The following ZNF516 variants were observed in gnomAD, a reference collection of about 807,000 sequenced individuals.
ZNF516 encodes zinc finger protein 516.
A neutral mutation model predicts 79.7 loss-of-function variants in ZNF516; 19 were observed. That is an observed-to-expected ratio of 0.24 (90% confidence interval 0.17 to 0.35). The LOEUF (loss-of-function observed/expected upper bound fraction) is 0.35, where lower values mean the gene tolerates loss of function less well. Ranked by LOEUF, ZNF516 falls within the 10% of genes least tolerant of loss-of-function variation. The probability of loss-of-function intolerance (pLI) is 1.00; values close to 1 mark genes in which losing one functional copy is unlikely to be tolerated. For synonymous variants in ZNF516, 877 were observed against 739.5 expected (o/e 1.19, Z -3.02); for missense variants, 1,678 against 1,679.5 (o/e 1.00, Z 0.02).
At chr18:76,434,631 T>A (rs2075706165) in intron 3 of ZNF516, among the ~76,000 whole-genome samples, 1 of 152,220 alleles carries the variant, frequency 6.6e-6, no homozygotes, top group Non-Finnish European at 1.5e-5. Flanking sequence ...CTGTGGGACA[T>A]CCCGGCCTGC....
chr18:76,399,661 C>A (rs1214634714), intron 3 of ZNF516, among the ~76,000 whole-genome samples: 2 of 152,216 alleles, frequency 1.3e-5, no homozygotes, highest in African/African-American at 4.8e-5. Context: ...AAAACAGCAC[C>A]TAAGTTGTCT....
chr18:76,399,147 G>T (rs937586054), intron 3 of ZNF516, among the ~76,000 whole-genome samples: 2 of 151,946 alleles, frequency 1.3e-5, no homozygotes, highest in Admixed American at 6.6e-5. Flanking sequence ...GGTGCTACGC[G>T]TGTGGTCCCC....
At chr18:76,444,619 G>A (rs186870221) in intron 2 of ZNF516, among the ~76,000 whole-genome samples, 66 of 152,308 alleles carry the variant, frequency 4.3e-4, no homozygotes, top group African/African-American at 1.5e-3. Context: ...TCCGAGTTTT[G>A]CAGCCTCCCA....
At chr18:76,371,865 C>T (rs948775811) in intron 4 of ZNF516, among the ~76,000 whole-genome samples, 2 of 152,244 alleles carry the variant, frequency 1.3e-5, no homozygotes, top group Admixed American at 1.3e-4. Flanking sequence ...CTCCGAGCAA[C>T]TGCAGGCTGG....
intron 6 of ZNF516, among the ~76,000 whole-genome samples, chr18:76,367,422 G>A (rs530011514): frequency 1.4e-4 from 22 of 152,278 alleles, no homozygotes; most frequent in South Asian, 6.2e-4. Context: ...GCCCTGCCTA[G>A]GGCTCTCTAT....
At chr18:76,390,159 G>C (rs762272590) in intron 3 of ZNF516, among the ~76,000 whole-genome samples, 1 of 152,154 alleles carries the variant, frequency 6.6e-6, no homozygotes, top group Non-Finnish European at 1.5e-5. Context: ...CCCGGACCCC[G>C]GAGGCCTGTG....
intron 2 of ZNF516, among the ~76,000 whole-genome samples, chr18:76,445,053 G>A (rs1036214613): frequency 3.3e-5 from 5 of 152,138 alleles, no homozygotes; most frequent in African/African-American, 1.2e-4. Context: ...GCGGGCATGA[G>A]AGAGATGCCC....
Position 76,442,601 on chromosome 18 carries a change from G to A in ZNF516, c.454C>T (p.Leu152=). 4 of 1,597,650 alleles carry A rather than the reference G, an allele frequency of 2.5e-6. No individual in the cohort carries two copies. The highest frequency in any genetic ancestry group is 3.4e-6 in the Non-Finnish European group (4 of 1,179,044). The change falls in exon 3 of 7, where the codon CTG becomes TTG. Residue 152 remains leucine (L), a synonymous_variant. Coordinates refer to ENST00000443185, the MANE Select transcript of ZNF516 (RefSeq NM_014643.4). ...GASQADSGRV[L]LRSSKKGAEG... ...GCCCCCTTCTTGCTGCTCCGCAGCA[G>A]GACTCTGCCGCTGTCGGCCTGCGAG...
At chr18:76,463,415 A>G (rs1254182332) in intron 1 of ZNF516, among the ~76,000 whole-genome samples, 2 of 152,236 alleles carry the variant, frequency 1.3e-5, no homozygotes, top group African/African-American at 4.8e-5. Context: ...GGTAACCAGG[A>G]CGCCGCCTAA....
At chr18:76,449,219 C>A (rs1912247997) in intron 2 of ZNF516, among the ~76,000 whole-genome samples, 1 of 152,178 alleles carries the variant, frequency 6.6e-6, no homozygotes, top group Non-Finnish European at 1.5e-5. Context: ...CCCAAGTCTG[C>A]AAGATGAAGC....
chr18:76,379,318 C>T lies in ZNF516; in HGVS notation c.2796G>A (p.Thr932=), dbSNP rs368519568. ...CGCCAGCCCGGGCGATGACGGTGGGCGTAGGGGTGGCGCTCCTGCTGAAGC... is the reference window on the plus strand; with the variant it reads ...CGCCAGCCCGGGCGATGACGGTGGGTGTAGGGGTGGCGCTCCTGCTGAAGC... ...GGGFSRSATP[T]PTVIARAGAQ... Residue 932 remains threonine, a synonymous_variant, in exon 4 of 7, where the codon ACG becomes ACA. Coordinates refer to ENST00000443185, the MANE Select transcript of ZNF516 (RefSeq NM_014643.4). 23 of 1,601,338 alleles carry T rather than the reference C, an allele frequency of 1.4e-5. No individual in the cohort carries two copies. Among genetic ancestry groups the T allele is most frequent in the Middle Eastern group, 1.7e-4 (1 of 5,986 alleles).
At position 76,442,536 on chromosome 18, in the gene ZNF516, C is replaced by A. The variant is rs767596915; in HGVS notation, c.519G>T (p.Ala173=). Residue 173 remains alanine (A), a synonymous_variant, in exon 3 of 7, where the codon GCG becomes GCT. Coordinates refer to ENST00000443185, the MANE Select transcript of ZNF516 (RefSeq NM_014643.4). The stretch of plus-strand genomic sequence containing the variant: ...GGCTCTTGCAGAAGGAGCACTGGAC[C>A]GCTGCCTTGGCCTCCCCCGGGGCGC... ...SACAPGEAKA[A]VQCSFCKSQF... 1 of 1,599,916 alleles carries A rather than the reference C, an allele frequency of 6.3e-7. No homozygotes were observed. The highest frequency in any genetic ancestry group is 1.7e-5 in the Admixed American group (1 of 60,014).
chr18:76,461,930 G>C (rs1041146535), intron 2 of ZNF516, among the ~76,000 whole-genome samples: 1 of 152,246 alleles, frequency 6.6e-6, no homozygotes, highest in African/African-American at 2.4e-5. Context: ...CTGCAGGCGT[G>C]TGGTATGTGG....
intron 2 of ZNF516, among the ~76,000 whole-genome samples, chr18:76,460,740 C>T (rs1221501712): frequency 1.3e-5 from 2 of 152,052 alleles, no homozygotes; most frequent in African/African-American, 4.8e-5. Context: ...GAGCACACCC[C>T]GAGAGAGAGA....
chr18:76,382,153 T>C (rs556117623), intron 3 of ZNF516, among the ~76,000 whole-genome samples: 166 of 151,974 alleles, frequency 1.1e-3, no homozygotes, highest in Non-Finnish European at 9.7e-4. Flanking sequence ...GTAATAATGA[T>C]AATAAAATAA....
chr18:76,461,794 C>A (rs1019442347), intron 2 of ZNF516, among the ~76,000 whole-genome samples: 1 of 152,184 alleles, frequency 6.6e-6, no homozygotes, highest in South Asian at 2.1e-4. Context: ...CGCCAACAGG[C>A]GAGGGGCCCA....
At position 76,493,139 on chromosome 18, in the gene ZNF516, G is replaced by A. The variant is rs1915334726; in HGVS notation, c.-272+2005C>T. 5 of 985,178 alleles carry A rather than the reference G, an allele frequency of 5.1e-6. No homozygotes were observed. The highest frequency in any genetic ancestry group is 6.0e-6 in the Non-Finnish European group (5 of 829,846). 61.0% of individuals were successfully genotyped at this position (985,178 alleles called of 1,614,324 possible). On this transcript the variant is annotated intron_variant, in intron 1 of 6. Coordinates refer to ENST00000443185, the MANE Select transcript of ZNF516 (RefSeq NM_014643.4). The surrounding 1 kb of genome is among the most constrained non-coding windows in gnomAD (Gnocchi z 5.2). ...TCTCCTCCCTACCGTTTCATTTAAT[G>A]GTAAAACAACAGCAGAGCTCTGAAA...
chr18:76,422,953 A>G (rs1232420135), intron 3 of ZNF516, among the ~76,000 whole-genome samples: 1 of 152,172 alleles, frequency 6.6e-6, no homozygotes, highest in African/African-American at 2.4e-5. Flanking sequence ...GGAAGACAAG[A>G]TGTACTCTCA....
rs144274953 is a variant in ZNF516 at position 76,413,061 on chromosome 18, T to A, written c.1810+28184A>T. Among the ~76,000 whole-genome samples the A allele has an allele frequency of 3.0e-3, 455 of 152,250 alleles. 1 individual carries two copies. Among genetic ancestry groups the A allele is most frequent in the African/African-American group, 0.01 (436 of 41,532 alleles). On this transcript the variant is annotated intron_variant, in intron 3 of 6. Transcript: ENST00000443185. ...GGTAATGCTGAAACCAAGGCCTCTG[T>A]GAGGAAGCGGGAAGCGGAGGCAGAA...
Sources: gnomAD v4.1 joint callset for allele counts (sites outside exome capture counted in the v4.1 genomes callset) on GRCh38, gnomAD v4.1.1 for gene constraint, Gnocchi (gnomAD v3.1) non-coding constraint, MANE v1.5 for transcripts, NCBI Gene and HGNC (gene_info 2026-07-23, HGNC 2026-07-21) for gene names.